Variants in PRKX observed in about 807,000 individuals in gnomAD.
The protein encoded by PRKX is cAMP-dependent protein kinase catalytic subunit PRKX.
A neutral mutation model predicts 22.0 loss-of-function variants in PRKX; 12 were observed. The observed-to-expected ratio is 0.54, with a 90% CI of 0.35 to 0.88. The LOEUF is 0.88. PRKX is among the 40% of genes least tolerant of loss of function. PRKX has a pLI of 0.01. For synonymous variants in PRKX, 134 were observed against 137.7 expected, an observed-to-expected ratio of 0.97 and a Z score of 0.19; for missense variants, 217 against 308.0, an observed-to-expected ratio of 0.70 and a Z score of 2.21.
At chrX:3,686,727 C>T (rs6641851) in intron 1 of PRKX, among the ~76,000 whole-genome samples, 36,201 of 108,902 alleles carry the variant, frequency 0.33, 5,609 homozygotes, top group East Asian at 0.63. Flanking sequence ...CCGACTAATT[C>T]TTGTAGTTTT....
intron 2 of PRKX, among the ~76,000 whole-genome samples, chrX:3,665,092 G>A (rs765330632): frequency 2.7e-5 from 3 of 112,219 alleles, no homozygotes; most frequent in East Asian, 2.8e-4. Flanking sequence ...CGGGGCGCGC[G>A]CGTGTGTGTG....
At chrX:3,684,452 G>A (rs1201899572) in intron 1 of PRKX, among the ~76,000 whole-genome samples, 1 of 109,770 alleles carries the variant, frequency 9.1e-6, no homozygotes, top group Non-Finnish European at 1.9e-5. Flanking sequence ...TGCAGTATTC[G>A]CTACTCTCTG....
At chrX:3,671,331 G>C (rs1927843003) in intron 2 of PRKX, among the ~76,000 whole-genome samples, 2 of 111,569 alleles carry the variant, frequency 1.8e-5, no homozygotes, top group Admixed American at 1.9e-4. Flanking sequence ...CTGGTCTCAA[G>C]TGATCCTTCC....
chrX:3,630,845 G>A (rs779425344), intron 4 of PRKX, among the ~76,000 whole-genome samples: 1 of 111,284 alleles, frequency 9.0e-6, no homozygotes, highest in South Asian at 3.9e-4. Context: ...CCAACACTGG[G>A]GATTACATTT....
At chrX:3,712,237 A>T (rs942922210) in intron 1 of PRKX, among the ~76,000 whole-genome samples, 1 of 111,342 alleles carries the variant, frequency 9.0e-6, no homozygotes, top group African/African-American at 3.3e-5. Context: ...TATTTTCTTG[A>T]CAGCCAACAC....
intron 5 of PRKX, among the ~76,000 whole-genome samples, chrX:3,622,332 T>C (rs1926574562): frequency 9.0e-6 from 1 of 111,172 alleles, no homozygotes; most frequent in Admixed American, 9.7e-5. Flanking sequence ...GAGTACATTA[T>C]GTATAATAAC....
In PRKX at chrX:3,625,762, G is replaced by A. The variant is rs1291599249; in HGVS notation, c.815+657C>T. On this transcript the variant is annotated intron_variant, in intron 5 of 8. Coordinates refer to ENST00000262848, the MANE Select transcript of PRKX (RefSeq NM_005044.5). ...AATTTTTTATATTTTCAGTAGAGCC[G>A]AGGTTTCACCGTGTTTCCCAGGATG... Among the ~76,000 whole-genome samples, 19 of 110,639 alleles carry A rather than the reference G, an allele frequency of 1.7e-4. No homozygotes were observed. The Admixed American group carries it at 1.7e-3, about 10-fold the overall frequency.
At chrX:3,664,315 C>T (rs1351489095) in intron 2 of PRKX, among the ~76,000 whole-genome samples, 1 of 112,032 alleles carries the variant, frequency 8.9e-6, no homozygotes, top group Non-Finnish European at 1.9e-5. Context: ...TAGATCACTG[C>T]AACCTTCAAC....
At chrX:3,648,896 T>C (rs1927252462) in intron 3 of PRKX, among the ~76,000 whole-genome samples, 2 of 109,572 alleles carry the variant, frequency 1.8e-5, no homozygotes, top group Non-Finnish European at 3.8e-5. Flanking sequence ...CTGGCCAACA[T>C]AGTGGGACCC....
intron 1 of PRKX, among the ~76,000 whole-genome samples, chrX:3,698,475 C>A (rs1928487958): frequency 9.0e-6 from 1 of 111,378 alleles, no homozygotes; most frequent in South Asian, 3.8e-4. Flanking sequence ...GCATGAGCCA[C>A]CGTGTCCAGA....
chrX:3,699,388 T>C (rs901225854), intron 1 of PRKX, among the ~76,000 whole-genome samples: 2 of 110,862 alleles, frequency 1.8e-5, no homozygotes, highest in Non-Finnish European at 3.8e-5. Flanking sequence ...AGTCTCACTC[T>C]GTCACCCAGG....
intron 3 of PRKX, among the ~76,000 whole-genome samples, chrX:3,642,642 AAAATT>A (rs1302613875): frequency 9.0e-6 from 1 of 110,962 alleles, no homozygotes; most frequent in Non-Finnish European, 1.9e-5. Flanking sequence ...ATAAATAAAT[AAAATT>A]AAGTAAAAAG....
rs759750274 is a variant in PRKX at position 3,622,410 on chromosome X, G to A, written c.816-1094C>T. ...AAAACAATCCAATACCCATGACCCC[G>A]GTGTAAGCGTCTAGGCTTTCCCAGC... On this transcript the variant is annotated intron_variant, in intron 5 of 8. Coordinates refer to ENST00000262848, the MANE Select transcript of PRKX (RefSeq NM_005044.5). Among the ~76,000 whole-genome samples the A allele has an allele frequency of 1.5e-4, 17 of 110,508 alleles. No individual in the cohort carries two copies. The East Asian group carries it at 4.6e-3, about 30-fold the overall frequency.
At chrX:3,704,874 T>A (rs1422958047) in intron 1 of PRKX, among the ~76,000 whole-genome samples, 1 of 111,902 alleles carries the variant, frequency 8.9e-6, no homozygotes, top group Admixed American at 9.5e-5. Context: ...TCTTGGCTGT[T>A]GTGTGACTCG....
In PRKX at chrX:3,684,782, C is replaced by T. The variant is rs151093746; in HGVS notation, c.167-10016G>A. Among the ~76,000 whole-genome samples the T allele has an allele frequency of 5.9e-4, 65 of 111,091 alleles. 1 individual carries two copies. In the East Asian group the frequency reaches 0.016, roughly 27 times the overall value. ...TCCTCACAGGGTCGTCCTCTATGTGCGTCTGTGTCCTCATCTCTGTTTTTA... is the reference window on the plus strand; with the variant it reads ...TCCTCACAGGGTCGTCCTCTATGTGTGTCTGTGTCCTCATCTCTGTTTTTA... On this transcript the variant is annotated intron_variant, in intron 1 of 8. Coordinates refer to ENST00000262848, the MANE Select transcript of PRKX (RefSeq NM_005044.5).
intron 4 of PRKX, among the ~76,000 whole-genome samples, chrX:3,631,060 C>T (rs762985178): frequency 3.6e-5 from 4 of 112,203 alleles, no homozygotes; most frequent in Admixed American, 9.5e-5. Context: ...ATGCTAGCAA[C>T]GGAAATACCT....
intron 2 of PRKX, among the ~76,000 whole-genome samples, chrX:3,666,911 T>TA (rs35951668): frequency 1.7e-3 from 109 of 65,773 alleles, no homozygotes; most frequent in South Asian, 6.1e-3. Context: ...TCATTTCTTT[T>TA]AAAAAAAAAA....
At chrX:3,610,878 G>C (rs889578661) in intron 8 of PRKX, 2 of 111,499 alleles carry the variant, frequency 1.8e-5, no homozygotes, top group African/African-American at 6.5e-5. Flanking sequence ...AGATGTTATG[G>C]GCGAGTCAGC....
chrX:3,702,299 C>T (rs1203100435), intron 1 of PRKX, among the ~76,000 whole-genome samples: 1 of 113,038 alleles, frequency 8.8e-6, no homozygotes, highest in Non-Finnish European at 1.9e-5. Flanking sequence ...GCCAAGGTTT[C>T]TCTGGCCACA....
Sources: gnomAD v4.1 joint callset for allele counts (sites outside exome capture counted in the v4.1 genomes callset) on GRCh38, gnomAD v4.1.1 for gene constraint, MANE v1.5 for transcripts, NCBI Gene and HGNC (gene_info 2026-07-23, HGNC 2026-07-21) for gene names.